Variants in RPL36A observed in about 807,000 individuals in gnomAD.
The protein encoded by RPL36A is large ribosomal subunit protein eL42.
For synonymous variants in RPL36A, 25 were observed against 28.5 expected, an observed-to-expected ratio of 0.88 and a Z score of 0.39; for missense variants, 20 against 81.0, an observed-to-expected ratio of 0.25 and a Z score of 2.89.
intron 3 of RPL36A, chrX:101,392,113 T>C (rs949356088): frequency 5.4e-6 from 6 of 1,111,775 alleles, no homozygotes; most frequent in Non-Finnish European, 7.2e-6. Flanking sequence ...CACTGGTAAA[T>C]CCTTTCATTT....
In RPL36A at chrX:101,391,578, C is replaced by T; in HGVS notation, c.109+14C>T. 1.7e-6 allele frequency: 2 copies of T among 1,209,517 alleles called. No individual in the cohort carries two copies. The highest frequency in any genetic ancestry group is 1.1e-6 in the Non-Finnish European group (1 of 893,689). On this transcript the variant is annotated intron_variant, in intron 2 of 4. Transcript: ENST00000553110. ...TGTACGCCCAGGGTAAGATGGATTCCGCATAATTTGGTGTTAATGTGACAT... is the reference window on the plus strand; with the variant it reads ...TGTACGCCCAGGGTAAGATGGATTCTGCATAATTTGGTGTTAATGTGACAT...
chrX:101,395,814 C>A lies in RPL36A; in HGVS notation c.*66C>A. ...ATGTTCACTTCATTTGTTTGCTGTT[C>A]ATCTTTTGGGAGGGAATAAGCTAGA... On this transcript the variant is annotated 3_prime_UTR_variant, in exon 5 of 5. Transcript: ENST00000553110. The A allele has an allele frequency of 9.4e-7, 1 of 1,061,876 alleles. No individual in the cohort carries two copies. 87.5% of individuals were successfully genotyped at this position (1,061,876 alleles called of 1,213,427 possible). A position where few individuals can be genotyped will look rare whatever the true frequency, so the allele number is the denominator to read the frequency against.
intron 1 of RPL36A, 46 bp downstream of exon 1, chrX:101,391,092 C>A (rs782501261): frequency 1.3e-5 from 15 of 1,174,301 alleles, no homozygotes; most frequent in Non-Finnish European, 1.6e-5. Flanking sequence ...CTTAATCTTT[C>A]CCCCCCTTCG....
Position 101,396,065 on chromosome X carries a change from A to G in RPL36A, c.*317A>G. The G allele has an allele frequency of 3.8e-6, 1 of 262,708 alleles. No homozygotes were observed. The highest frequency in any genetic ancestry group is 6.7e-6 in the Non-Finnish European group (1 of 149,009). 21.7% of individuals were successfully genotyped at this position (262,708 alleles called of 1,213,427 possible). ...ATAGGGAGAAGTCAGTAACACATTCATAGTGAATATGAGATGTCTTTGCTA... is the reference window on the plus strand; with the variant it reads ...ATAGGGAGAAGTCAGTAACACATTCGTAGTGAATATGAGATGTCTTTGCTA... On this transcript the variant is annotated 3_prime_UTR_variant, in exon 5 of 5. Transcript: ENST00000553110.
chrX:101,394,783 T>C (rs1427259262), intron 3 of RPL36A, among the ~76,000 whole-genome samples: 1 of 74,318 alleles, frequency 1.3e-5, no homozygotes, highest in African/African-American at 9.5e-5. Flanking sequence ...ATAATATATA[T>C]ATATATATTT....
chrX:101,393,658 C>G, intron 3 of RPL36A: 1 of 111,391 alleles, frequency 9.0e-6, no homozygotes, highest in Non-Finnish European at 1.9e-5. Flanking sequence ...CCTAAAAATC[C>G]ATAACCCTAT....
intron 1 of RPL36A, 82 bp from the exon 2 acceptor site, chrX:101,391,377 C>T: frequency 3.6e-6 from 4 of 1,107,401 alleles, no homozygotes; most frequent in Non-Finnish European, 5.0e-6. Context: ...TCCTGGAGTG[C>T]CTCAGCTTTA....
intron 1 of RPL36A, 24 bp downstream of exon 1, chrX:101,391,070 A>C (rs781987624): frequency 1.7e-6 from 2 of 1,196,852 alleles, no homozygotes; most frequent in South Asian, 1.8e-5. Context: ...GTGGGGGCCG[A>C]GTAACATCCA....
At position 101,391,832 on chromosome X, in the gene RPL36A, A is replaced by T. The variant is rs1555983482; in HGVS notation, c.177+10A>T. 2 of 1,205,162 alleles carry T rather than the reference A, an allele frequency of 1.7e-6. No homozygotes were observed. The highest frequency in any genetic ancestry group is 4.5e-5 in the Admixed American group (2 of 44,829). ...GATTTTCCGGAAAAAGGTGAGTGGT[A>T]GTTACTATTTGACGTTTCCCAGTTA... On this transcript the variant is annotated intron_variant, in intron 3 of 4. Transcript: ENST00000553110.
At chrX:101,394,016 A>G (rs1927925072) in intron 3 of RPL36A, among the ~76,000 whole-genome samples, 1 of 112,228 alleles carries the variant, frequency 8.9e-6, no homozygotes, top group South Asian at 3.6e-4. Context: ...TGTAAACAAT[A>G]GTTCTGTTGT....
chrX:101,393,891 TTAA>T (rs1179186358), intron 3 of RPL36A: 2 of 111,694 alleles, frequency 1.8e-5, no homozygotes, highest in Non-Finnish European at 3.8e-5. Context: ...TGGACTTGAG[TTAA>T]TAAGGCATCA....
At chrX:101,393,371 T>G in intron 3 of RPL36A, 1 of 109,942 alleles carries the variant, frequency 9.1e-6, no homozygotes, top group African/African-American at 3.3e-5. Flanking sequence ...TGGCGGGAGG[T>G]GGGGATGGTT....
At chrX:101,391,862 C>T in intron 3 of RPL36A, 40 bp downstream of exon 3, 1 of 1,201,389 alleles carries the variant, frequency 8.3e-7, no homozygotes. Flanking sequence ...CAGTTAATTG[C>T]CGTAAGGATA....
chrX:101,391,093 C>T (rs782219915), intron 1 of RPL36A, 47 bp downstream of exon 1: 10 of 1,179,992 alleles, frequency 8.5e-6, no homozygotes, highest in Non-Finnish European at 1.0e-5. Context: ...TTAATCTTTC[C>T]CCCCCTTCGT....
chrX:101,393,822 G>C (rs1354543730), intron 3 of RPL36A: 1 of 111,212 alleles, frequency 9.0e-6, no homozygotes, highest in East Asian at 2.8e-4. Flanking sequence ...GGTGTCCTGC[G>C]TGGGGTCCTA....
chrX:101,395,583 GAT>G (rs1482941179), intron 4 of RPL36A, 126 bp downstream of exon 4: 14 of 1,091,802 alleles, frequency 1.3e-5, no homozygotes, highest in African/African-American at 3.6e-5. Context: ...TATAGCTAAA[GAT>G]ATGTGAGGTC....
At chrX:101,394,039 A>G (rs1182834693) in intron 3 of RPL36A, among the ~76,000 whole-genome samples, 1 of 111,984 alleles carries the variant, frequency 8.9e-6, no homozygotes, top group Non-Finnish European at 1.9e-5. Flanking sequence ...AGGTAAAAGG[A>G]GCAATCAAGG....
chrX:101,392,268 C>T (rs1294078195), intron 3 of RPL36A: 25 of 886,303 alleles, frequency 2.8e-5, no homozygotes, highest in Non-Finnish European at 3.2e-5. Context: ...GCCATTTAGG[C>T]CTTTCTGCTA....
chrX:101,395,498 TTTA>T lies in RPL36A; in HGVS notation c.300+47_300+49del, dbSNP rs782715225. The T allele has an allele frequency of 2.5e-5, 30 of 1,191,098 alleles. No individual in the cohort carries two copies. The East Asian group carries it at 8.3e-4, about 33-fold the overall frequency. ...TGGAAGGTGCAATCTTTTTCATAGC[TTTA>T]TTATTTGAAAAGGTGAACATCTATT... On this transcript the variant is annotated intron_variant, in intron 4 of 4. Coordinates refer to ENST00000553110, the MANE Select transcript of RPL36A (RefSeq NM_021029.6).
Sources: gnomAD v4.1 joint callset for allele counts (sites outside exome capture counted in the v4.1 genomes callset) on GRCh38, gnomAD v4.1.1 for gene constraint, MANE v1.5 for transcripts, NCBI Gene and HGNC (gene_info 2026-07-23, HGNC 2026-07-21) for gene names.